LAMC1: variants seen among roughly 807,000 people sequenced by gnomAD.
LAMC1 encodes the protein laminin subunit gamma 1.
Under a neutral mutation model 173.6 loss-of-function variants are expected in LAMC1, and 38 were observed. That is an observed-to-expected ratio of 0.22 (90% CI 0.17 to 0.29). The LOEUF is 0.29. Among genes scored for constraint, LAMC1 ranks in the 10% least tolerant of loss-of-function variants. LAMC1 has a pLI of 1.00. For missense variants in LAMC1, 1,824 were observed against 2,051.8 expected (o/e 0.89, Z 2.14); for synonymous variants, 746 against 749.1 (o/e 1.00, Z 0.07).
chr1:183,053,248 C>A (rs1362202548), intron 1 of LAMC1, among the ~76,000 whole-genome samples: 1 of 152,178 alleles, frequency 6.6e-6, no homozygotes, highest in African/African-American at 2.4e-5. Context: ...ATATTTTCGA[C>A]TATAGCCATT....
Position 183,116,823 on chromosome 1 carries a change from G to C in LAMC1, c.1484G>C (p.Cys495Ser). Residue 495 changes from cysteine (C) to serine (S), a missense_variant, in exon 8 of 28, where the codon TGC becomes TCC. By Grantham distance (112) the Cys-to-Ser change is moderately radical. Transcript: ENST00000258341. The stretch of plus-strand genomic sequence containing the variant: ...TCTAATCCTCGGGGTTGCACACCCT[G>C]CTTCTGCTTTGGGCATTCTTCTGTC... Reference protein sequence around the residue: ...ESSNPRGCTPCFCFGHSSVCT... With the variant: ...ESSNPRGCTPSFCFGHSSVCT... The C allele has an allele frequency of 3.7e-6, 6 of 1,613,984 alleles. No homozygotes were observed. Among genetic ancestry groups the C allele is most frequent in the Non-Finnish European group, 5.1e-6 (6 of 1,179,878 alleles).
chr1:183,068,524 A>G (rs756639248), intron 1 of LAMC1, among the ~76,000 whole-genome samples: 2 of 152,222 alleles, frequency 1.3e-5, no homozygotes, highest in East Asian at 1.9e-4. Context: ...AGCATATTTT[A>G]TGCTCATTTT....
intron 1 of LAMC1, among the ~76,000 whole-genome samples, chr1:183,075,063 A>G (rs2102043927): frequency 6.6e-6 from 1 of 152,044 alleles, no homozygotes; most frequent in South Asian, 2.1e-4. Context: ...TATTAAAATT[A>G]TAGATACATT....
intron 13 of LAMC1, among the ~76,000 whole-genome samples, chr1:183,124,370 T>A (rs1346839422): frequency 6.6e-6 from 1 of 152,188 alleles, no homozygotes; most frequent in Non-Finnish European, 1.5e-5. Flanking sequence ...TTTTAATACA[T>A]GATTTGGGTT....
intron 11 of LAMC1, among the ~76,000 whole-genome samples, chr1:183,120,439 G>A (rs1412233732): frequency 6.6e-6 from 1 of 152,168 alleles, no homozygotes; most frequent in African/African-American, 2.4e-5. Context: ...AGATAAACCT[G>A]TAAACATACT....
intron 1 of LAMC1, among the ~76,000 whole-genome samples, chr1:183,090,620 C>T (rs1266336083): frequency 1.3e-5 from 2 of 152,206 alleles, no homozygotes; most frequent in African/African-American, 4.8e-5. Context: ...GTGCAAAGGA[C>T]TGAATTCCTA....
chr1:183,034,605 T>C (rs1653931695), intron 1 of LAMC1, among the ~76,000 whole-genome samples: 1 of 152,196 alleles, frequency 6.6e-6, no homozygotes, highest in South Asian at 2.1e-4. Context: ...GGAGAATACC[T>C]ACAGAGCATT....
chr1:183,128,825 G>A (rs74702053), intron 18 of LAMC1, 75 bp downstream of exon 18: 199 of 1,065,242 alleles, frequency 1.9e-4, no homozygotes, highest in Admixed American at 1.8e-3. Flanking sequence ...AGCAAGGTTA[G>A]TATAGTTTTA....
intron 17 of LAMC1, among the ~76,000 whole-genome samples, 163 bp downstream of exon 17, chr1:183,127,567 TAAACA>T (rs1214613095): frequency 6.6e-6 from 1 of 152,032 alleles, no homozygotes; most frequent in Non-Finnish European, 1.5e-5. Flanking sequence ...AATAAATAAA[TAAACA>T]AAACAAACAC....
At chr1:183,049,762 C>T (rs540033106) in intron 1 of LAMC1, among the ~76,000 whole-genome samples, 100 of 151,952 alleles carry the variant, frequency 6.6e-4, no homozygotes, top group African/African-American at 2.3e-3. Context: ...CCATGCCAAG[C>T]CAAAAGTGTC....
At chr1:183,097,666 TA>T (rs1655728060) in intron 1 of LAMC1, among the ~76,000 whole-genome samples, 1 of 152,174 alleles carries the variant, frequency 6.6e-6, no homozygotes, top group Admixed American at 6.5e-5. Context: ...CTTTACCATG[TA>T]GGAGGCTTAA....
intron 1 of LAMC1, among the ~76,000 whole-genome samples, chr1:183,036,396 C>CTTTT (rs768370901): frequency 1.1e-3 from 108 of 96,568 alleles, no homozygotes; most frequent in African/African-American, 3.6e-3. Context: ...CCACGCCAGT[C>CTTTT]TTTTTTTTTT....
intron 1 of LAMC1, among the ~76,000 whole-genome samples, chr1:183,083,180 C>G (rs922712648): frequency 3.9e-5 from 6 of 152,280 alleles, no homozygotes; most frequent in African/African-American, 1.2e-4. Context: ...AAGGTAGATT[C>G]CCTACTATTG....
chr1:183,137,592 A>C, intron 25 of LAMC1, 77 bp from the exon 26 acceptor site: 1 of 793,328 alleles, frequency 1.3e-6, no homozygotes. Flanking sequence ...CATTTTATAA[A>C]TTATAAAAGG....
At chr1:183,024,751 C>G (rs1050708293) in intron 1 of LAMC1, among the ~76,000 whole-genome samples, 17 of 152,182 alleles carry the variant, frequency 1.1e-4, no homozygotes, top group African/African-American at 4.1e-4. Flanking sequence ...AATCCTGGTG[C>G]AGAATGAACA....
intron 1 of LAMC1, among the ~76,000 whole-genome samples, chr1:183,038,930 TAA>T (rs66985134): frequency 1.3e-5 from 2 of 149,580 alleles, no homozygotes; most frequent in African/African-American, 2.5e-5. Context: ...ATTTAAGCTA[TAA>T]AAAAAAAAGA....
intron 1 of LAMC1, among the ~76,000 whole-genome samples, chr1:183,051,299 C>CT (rs1445326065): frequency 6.6e-6 from 1 of 152,174 alleles, no homozygotes; most frequent in Non-Finnish European, 1.5e-5. Context: ...GAACTGCCTT[C>CT]TAGAAGTTCA....
rs976783158 is a variant in LAMC1, at chr1:183,023,860, G to A, written c.144G>A (p.Gln48=). ...GCACGGACGAGGGCGGGCGGCCGCA[G>A]CGCTGCATGCCCGAGTTCGTCAACG... ...DECTDEGGRP[Q]RCMPEFVNAA... is the part of the protein sequence containing the mutation. Residue 48 remains glutamine, a synonymous_variant, in exon 1 of 28, where the codon CAG becomes CAA. Transcript: ENST00000258341. The A allele has an allele frequency of 2.6e-5, 42 of 1,610,778 alleles. No individual in the cohort carries two copies. The highest frequency in any genetic ancestry group is 3.6e-5 in the Non-Finnish European group (42 of 1,178,602).
chr1:183,089,502 C>CA (rs1281804373), intron 1 of LAMC1, among the ~76,000 whole-genome samples: 10 of 152,132 alleles, frequency 6.6e-5, no homozygotes, highest in Non-Finnish European at 1.3e-4. Context: ...AGCGTGATTG[C>CA]AAAAAGTTTC....
Sources: allele counts gnomAD v4.1 joint callset (sites outside exome capture counted in the v4.1 genomes callset), GRCh38; gene constraint gnomAD v4.1.1; transcripts MANE v1.5; gene names NCBI Gene and HGNC (gene_info 2026-07-23, HGNC 2026-07-21).